Variants in CSGALNACT1 observed in about 807,000 individuals in gnomAD.
CSGALNACT1 encodes beta4GalNAcT-1.
Under a neutral mutation model 51.0 loss-of-function variants are expected in CSGALNACT1, and 52 were observed. The ratio of observed to expected loss-of-function variants is 1.02; its 90% CI spans 0.82 to 1.29. CSGALNACT1 has a LOEUF of 1.29. CSGALNACT1 is among the 50% of genes most tolerant of loss of function. The pLI is 0.00. For synonymous variants in CSGALNACT1, 341 were observed against 254.4 expected (o/e 1.34, Z -3.24); for missense variants, 935 against 679.2 (o/e 1.38, Z -4.19).
At chr8:19,437,130 A>G (rs1435020664) in intron 6 of CSGALNACT1, among the ~76,000 whole-genome samples, 6 of 152,118 alleles carry the variant, frequency 3.9e-5, no homozygotes, top group African/African-American at 1.4e-4. Flanking sequence ...TCGCGCACCA[A>G]GTGCCAGATT....
chr8:19,750,019 C>T (rs1322464422), intron 1 of CSGALNACT1, among the ~76,000 whole-genome samples: 1 of 152,200 alleles, frequency 6.6e-6, no homozygotes, highest in South Asian at 2.1e-4. Flanking sequence ...CTGACCCAGC[C>T]TTGGACCCCT....
At chr8:19,626,955 G>A (rs189514360) in intron 1 of CSGALNACT1, among the ~76,000 whole-genome samples, 5 of 152,266 alleles carry the variant, frequency 3.3e-5, no homozygotes, top group Admixed American at 1.3e-4. Context: ...ATTGCTGGTG[G>A]GAATGTGAAA....
chr8:19,525,615 CAAAA>C lies in CSGALNACT1; in HGVS notation c.-296-19489_-296-19486del, dbSNP rs34787475. Among the ~76,000 whole-genome samples, 19 of 20,374 alleles carry C rather than the reference CAAAA, an allele frequency of 9.3e-4. No individual in the cohort carries two copies. The South Asian group carries it at 0.016, about 17-fold the overall frequency. The allele number at this position is 20,374 out of a possible 152,430, so 13.4% of individuals were successfully genotyped here. A position where few individuals can be genotyped will look rare whatever the true frequency, so the allele number is the denominator to read the frequency against. On this transcript the variant is annotated intron_variant, in intron 3 of 9. Coordinates refer to ENST00000454498, the Ensembl canonical transcript of CSGALNACT1. Reference sequence around the variant, plus strand: ...CTGGCTGACAGAGGGAAACTTGTCCCAAAAAAAAAAAAAAAAAAAAAAAAAAAAA... The same window carrying C: ...CTGGCTGACAGAGGGAAACTTGTCCCAAAAAAAAAAAAAAAAAAAAAAAAA...
chr8:19,688,229 G>C (rs2061087152), intron 1 of CSGALNACT1, among the ~76,000 whole-genome samples: 1 of 152,134 alleles, frequency 6.6e-6, no homozygotes. Flanking sequence ...GGTAATTTAG[G>C]GAAATAGATG....
At chr8:19,519,814 C>G (rs941011760) in intron 3 of CSGALNACT1, among the ~76,000 whole-genome samples, 1 of 152,200 alleles carries the variant, frequency 6.6e-6, no homozygotes, top group Non-Finnish European at 1.5e-5. Context: ...GGTCTCTCCA[C>G]CCACAATCCT....
intron 1 of CSGALNACT1, among the ~76,000 whole-genome samples, chr8:19,752,101 TTATTA>T (rs1395164147): frequency 2.2e-5 from 2 of 88,912 alleles, no homozygotes; most frequent in East Asian, 5.4e-4. Flanking sequence ...ATGATATACA[TTATTA>T]TATTATATAT....
intron 1 of CSGALNACT1, among the ~76,000 whole-genome samples, chr8:19,694,856 C>A (rs558593948): frequency 1.5e-4 from 23 of 152,300 alleles, no homozygotes; most frequent in African/African-American, 5.5e-4. Flanking sequence ...CTAAAATGAT[C>A]CAATGCACTA....
chr8:19,512,961 C>G (rs968075079), intron 3 of CSGALNACT1, among the ~76,000 whole-genome samples: 2 of 152,194 alleles, frequency 1.3e-5, no homozygotes, highest in Non-Finnish European at 2.9e-5. Flanking sequence ...TGAAGCACAG[C>G]AGCTCTGCTT....
At chr8:19,454,655 T>A (rs2063758596) in intron 5 of CSGALNACT1, among the ~76,000 whole-genome samples, 2 of 152,130 alleles carry the variant, frequency 1.3e-5, no homozygotes, top group Non-Finnish European at 2.9e-5. Context: ...TGGGTGACAG[T>A]GAGACTCTGT....
intron 3 of CSGALNACT1, among the ~76,000 whole-genome samples, chr8:19,515,130 C>A (rs1281088158): frequency 2.0e-5 from 3 of 152,068 alleles, no homozygotes; most frequent in Admixed American, 1.3e-4. Context: ...GCCTTTCCTG[C>A]CTCTGGACCC....
intron 3 of CSGALNACT1, among the ~76,000 whole-genome samples, chr8:19,508,301 T>A (rs1441534284): frequency 1.3e-5 from 2 of 152,216 alleles, no homozygotes; most frequent in Non-Finnish European, 2.9e-5. Flanking sequence ...GAGATGTGCC[T>A]TTTAGTGATA....
At chr8:19,666,837 GAAAGAAAGAA>G (rs2059269689) in intron 1 of CSGALNACT1, among the ~76,000 whole-genome samples, 64 of 52,854 alleles carry the variant, frequency 1.2e-3, no homozygotes, top group Non-Finnish European at 1.9e-3. Context: ...GAGAGAGAAA[GAAAGAAAGAA>G]AGAAAGAAAG....
At chr8:19,654,529 G>A (rs545733707) in intron 1 of CSGALNACT1, among the ~76,000 whole-genome samples, 1 of 152,204 alleles carries the variant, frequency 6.6e-6, no homozygotes, top group Admixed American at 6.5e-5. Flanking sequence ...GATGTTGTAG[G>A]GTGTTTAAAT....
At chr8:19,737,777 A>G (rs2064074980) in intron 1 of CSGALNACT1, among the ~76,000 whole-genome samples, 1 of 152,200 alleles carries the variant, frequency 6.6e-6, no homozygotes, top group Non-Finnish European at 1.5e-5. Context: ...GCTAAATGCT[A>G]TTTTCACTTC....
At chr8:19,611,491 A>G (rs1206138676) in intron 1 of CSGALNACT1, among the ~76,000 whole-genome samples, 1 of 152,204 alleles carries the variant, frequency 6.6e-6, no homozygotes, top group African/African-American at 2.4e-5. Context: ...CTAAGAAGCT[A>G]AGAGACGTAT....
At chr8:19,751,526 A>G (rs2154253706) in intron 1 of CSGALNACT1, among the ~76,000 whole-genome samples, 1 of 152,324 alleles carries the variant, frequency 6.6e-6, no homozygotes, top group Non-Finnish European at 1.5e-5. Context: ...TGCGACTACT[A>G]GAATGATCTA....
At chr8:19,422,018 T>C (rs1485297609) in intron 6 of CSGALNACT1, among the ~76,000 whole-genome samples, 2 of 152,360 alleles carry the variant, frequency 1.3e-5, no homozygotes, top group Non-Finnish European at 1.5e-5. Context: ...ATTCTAAACC[T>C]AGCTGTGCCT....
chr8:19,489,210 T>C (rs1432492161), intron 4 of CSGALNACT1, among the ~76,000 whole-genome samples: 2 of 151,982 alleles, frequency 1.3e-5, no homozygotes, highest in Admixed American at 6.6e-5. Flanking sequence ...ACAACAGAAA[T>C]ACCAAACCTA....
chr8:19,510,490 A>G (rs187461090), intron 3 of CSGALNACT1, among the ~76,000 whole-genome samples: 8 of 152,312 alleles, frequency 5.3e-5, no homozygotes, highest in African/African-American at 1.9e-4. Context: ...AGCACTTAGT[A>G]TGTTCAATGC....
Sources: allele counts gnomAD v4.1 joint callset (sites outside exome capture counted in the v4.1 genomes callset), GRCh38; gene constraint gnomAD v4.1.1; transcripts MANE v1.5; gene names NCBI Gene and HGNC (gene_info 2026-07-23, HGNC 2026-07-21).